CFAP54: variants seen among roughly 807,000 people sequenced by gnomAD.
The protein encoded by CFAP54 is cilia and flagella associated protein 54.
CFAP54 carries 290 observed loss-of-function variants against 370.4 expected under a neutral mutation model. The observed-to-expected ratio is 0.78, with a 90% confidence interval of 0.71 to 0.86. The LOEUF (loss-of-function observed/expected upper bound fraction) is 0.86. Among genes scored for constraint, CFAP54 ranks in the 40% least tolerant of loss-of-function variants. CFAP54 has a pLI of 0.00. For synonymous variants in CFAP54, 1,206 were observed against 1,236.5 expected (o/e 0.98, Z 0.52); for missense variants, 3,399 against 3,528.7 (o/e 0.96, Z 0.93).
chr12:96,825,543 T>G (rs1381546776), intron 65 of CFAP54, among the ~76,000 whole-genome samples: 1 of 117,356 alleles, frequency 8.5e-6, no homozygotes, highest in African/African-American at 3.5e-5. Context: ...TTACTATATA[T>G]TATATATATT....
chr12:96,618,957 C>CT (rs1367784214), intron 26 of CFAP54, among the ~76,000 whole-genome samples: 1 of 152,158 alleles, frequency 6.6e-6, no homozygotes, highest in East Asian at 1.9e-4. Context: ...CTCCACCTCC[C>CT]TAGCTCAAGC....
intron 67 of CFAP54, among the ~76,000 whole-genome samples, chr12:96,866,442 C>T (rs941768855): frequency 6.6e-6 from 1 of 152,038 alleles, no homozygotes; most frequent in Non-Finnish European, 1.5e-5. Context: ...AAATTAATTG[C>T]AAATGAATTG....
intron 62 of CFAP54, among the ~76,000 whole-genome samples, chr12:96,791,939 TC>T (rs1431971508): frequency 2.0e-5 from 3 of 150,768 alleles, no homozygotes; most frequent in Non-Finnish European, 4.4e-5. Flanking sequence ...AACCTCTGCC[TC>T]CCAGGTTCAA....
intron 65 of CFAP54, among the ~76,000 whole-genome samples, chr12:96,825,942 C>A (rs55917314): frequency 7.3e-6 from 1 of 137,850 alleles, no homozygotes; most frequent in African/African-American, 2.7e-5. Context: ...TAACATAGTA[C>A]ATTAATATAT....
intron 47 of CFAP54, among the ~76,000 whole-genome samples, chr12:96,708,184 C>G: frequency 6.6e-6 from 1 of 152,208 alleles, no homozygotes; most frequent in South Asian, 2.1e-4. Flanking sequence ...TGACGGTGGA[C>G]TCTAAGCTGG....
chr12:96,698,936 T>C (rs1957463297), intron 45 of CFAP54, among the ~76,000 whole-genome samples: 1 of 152,178 alleles, frequency 6.6e-6, no homozygotes, highest in African/African-American at 2.4e-5. Context: ...AGAATCTTCT[T>C]GGGTCCAAAT....
Position 96,810,938 on chromosome 12 carries a change from G to T in CFAP54, c.8851-798G>T, listed in dbSNP as rs567558086. Among the ~76,000 whole-genome samples the T allele has an allele frequency of 4.6e-5, 7 of 152,232 alleles. No homozygotes were observed. The East Asian group carries it at 1.3e-3, about 29-fold the overall frequency. ...AAGAAGTTTTCTCAGGCAGATACGG[G>T]AACCTCCTGAGAGAGCCCCTACCTG... On this transcript the variant is annotated intron_variant, in intron 63 of 67. Transcript: ENST00000524981.
Position 96,658,024 on chromosome 12 carries a change from T to A in CFAP54, c.5243T>A (p.Leu1748Ter). 1 of 1,614,018 alleles carries A rather than the reference T, an allele frequency of 6.2e-7. No homozygotes were observed. Among genetic ancestry groups the A allele is most frequent in the Non-Finnish European group, 8.5e-7 (1 of 1,179,946 alleles). The change falls in exon 37 of 68, where the codon TTA (leucine) becomes TAA (stop). Residue 1748 changes from leucine (L) to a stop codon, truncating the protein, a stop_gained. Transcript: ENST00000524981. LOFTEE classifies it high-confidence loss of function. ...VDLKWIHDFVLKSLEVLYQVE... is the reference protein window; with the variant it reads ...VDLKWIHDFV ...TTGAAATGGATCCACGACTTTGTAT[T>A]AAAATCTCTGGAAGTTTTATATCAA...
intron 34 of CFAP54, among the ~76,000 whole-genome samples, chr12:96,649,095 A>G (rs1956830604): frequency 6.6e-6 from 1 of 152,182 alleles, no homozygotes; most frequent in Non-Finnish European, 1.5e-5. Context: ...TTTAAGTGCT[A>G]TGGGATTTAT....
chr12:96,611,229 C>T (rs909317881), intron 26 of CFAP54, among the ~76,000 whole-genome samples: 1 of 152,238 alleles, frequency 6.6e-6, no homozygotes, highest in Non-Finnish European at 1.5e-5. Context: ...CGCTGTTCAG[C>T]AATATTTGCT....
chr12:96,619,527 T>G (rs1048486697), intron 26 of CFAP54, among the ~76,000 whole-genome samples: 7 of 152,370 alleles, frequency 4.6e-5, no homozygotes, highest in Admixed American at 2.0e-4. Flanking sequence ...CAATGTGTCA[T>G]TACTTTTGCA....
intron 65 of CFAP54, among the ~76,000 whole-genome samples, chr12:96,824,709 G>A (rs1959067237): frequency 1.3e-5 from 2 of 152,084 alleles, no homozygotes; most frequent in Non-Finnish European, 1.5e-5. Context: ...CCCACTTCTA[G>A]CCGTGATCAC....
intron 23 of CFAP54, 92 bp downstream of exon 23, chr12:96,589,655 C>G: frequency 1.3e-6 from 1 of 783,142 alleles, no homozygotes; most frequent in Non-Finnish European, 2.0e-6. Context: ...ATATCATGTT[C>G]AGATAGTCCA....
intron 22 of CFAP54, among the ~76,000 whole-genome samples, chr12:96,583,320 A>G (rs1019017684): frequency 6.6e-6 from 1 of 152,082 alleles, no homozygotes; most frequent in Non-Finnish European, 1.5e-5. Flanking sequence ...ATATCATATA[A>G]ATGTAGAAGA....
intron 30 of CFAP54, among the ~76,000 whole-genome samples, chr12:96,628,834 T>C (rs7974110): frequency 0.5 from 75,512 of 151,846 alleles, 19,287 homozygotes; most frequent in African/African-American, 0.58. Context: ...CTTGCATTAA[T>C]AAGACCCTAC....
At chr12:96,800,661 C>T (rs1044686762) in intron 63 of CFAP54, among the ~76,000 whole-genome samples, 5 of 152,102 alleles carry the variant, frequency 3.3e-5, no homozygotes, top group Non-Finnish European at 7.4e-5. Flanking sequence ...ATCTACTCAT[C>T]GTTTTAGGAT....
At chr12:96,728,583 T>C (rs558889175) in intron 50 of CFAP54, among the ~76,000 whole-genome samples, 182 of 152,296 alleles carry the variant, frequency 1.2e-3, no homozygotes, top group Non-Finnish European at 2.2e-3. Context: ...TTCGTCTAAA[T>C]TTTTTTCAAA....
chr12:96,682,290 A>G, intron 40 of CFAP54: 1 of 985,792 alleles, frequency 1.0e-6, no homozygotes, highest in Non-Finnish European at 1.2e-6. Flanking sequence ...GCAAACTTCC[A>G]TATTCACAAC....
At chr12:96,719,619 C>T (rs998582962) in intron 49 of CFAP54, among the ~76,000 whole-genome samples, 1 of 152,218 alleles carries the variant, frequency 6.6e-6, no homozygotes, top group Non-Finnish European at 1.5e-5. Context: ...ACACTCTTGG[C>T]ACTCTGTTGG....
Sources: gnomAD v4.1 joint callset for allele counts (sites outside exome capture counted in the v4.1 genomes callset) on GRCh38, gnomAD v4.1.1 for gene constraint, MANE v1.5 for transcripts, NCBI Gene and HGNC (gene_info 2026-07-23, HGNC 2026-07-21) for gene names.